The following POLD3 variants were observed in gnomAD, a reference collection of about 807,000 sequenced individuals.
POLD3 encodes the protein DNA polymerase delta subunit 3.
A neutral mutation model predicts 58.2 loss-of-function variants in POLD3; 19 were observed. That is an observed-to-expected ratio of 0.33 (90% CI 0.23 to 0.48). The LOEUF (loss-of-function observed/expected upper bound fraction) is 0.48, where lower values mean the gene tolerates loss of function less well. Among genes scored for constraint, POLD3 ranks in the 20% least tolerant of loss-of-function variants. The pLI is 0.99. For synonymous variants in POLD3, 172 were observed against 193.5 expected, an observed-to-expected ratio of 0.89 and a Z score of 0.92; for missense variants, 504 against 545.5, an observed-to-expected ratio of 0.92 and a Z score of 0.76.
At chr11:74,664,642 A>AC (rs2033244441) in intron 4 of POLD3, among the ~76,000 whole-genome samples, 1 of 152,148 alleles carries the variant, frequency 6.6e-6, no homozygotes, top group Admixed American at 6.5e-5. Flanking sequence ...ATCCTCAAAA[A>AC]AAAATTACGA....
intron 1 of POLD3, among the ~76,000 whole-genome samples, chr11:74,593,607 G>A (rs1323267759): frequency 6.6e-6 from 1 of 151,900 alleles, no homozygotes; most frequent in East Asian, 1.9e-4. Context: ...CACTTTTTTC[G>A]TTTCCTGACC....
intron 4 of POLD3, among the ~76,000 whole-genome samples, chr11:74,661,394 T>C (rs1210965540): frequency 6.6e-6 from 1 of 152,226 alleles, no homozygotes; most frequent in Non-Finnish European, 1.5e-5. Flanking sequence ...AATGTTGTAA[T>C]CTGAGCTGTA....
Position 74,642,867 on chromosome 11 carries a change from G to C in POLD3, c.*2101G>C. 1.0e-6 allele frequency: 1 copy of C among 985,132 alleles called. No individual in the cohort carries two copies. The highest frequency in any genetic ancestry group is 1.2e-6 in the Non-Finnish European group (1 of 829,682). 61.0% of individuals were successfully genotyped at this position (985,132 alleles called of 1,614,324 possible). On this transcript the variant is annotated 3_prime_UTR_variant, in exon 12 of 12. Transcript: ENST00000263681. ...CATACCCACAGTCTGAGATGAACAAGTTATTTGCTGCCTTCATCGTTTTTT... is the reference window on the plus strand; with the variant it reads ...CATACCCACAGTCTGAGATGAACAACTTATTTGCTGCCTTCATCGTTTTTT...
At position 74,613,086 on chromosome 11, in the gene POLD3, A is replaced by G. The variant is rs187252087; in HGVS notation, c.392+76A>G. 534 of 1,317,538 alleles carry G rather than the reference A, an allele frequency of 4.1e-4. 2 individuals are homozygous for G. In the African/African-American group the frequency reaches 7.3e-3, roughly 18 times the overall value. 81.6% of individuals were successfully genotyped at this position (1,317,538 alleles called of 1,614,324 possible). On this transcript the variant is annotated intron_variant, in intron 5 of 11. Coordinates refer to ENST00000263681, the MANE Select transcript of POLD3 (RefSeq NM_006591.3). ...GATGTTTACACAGTGGCTGCCTCTT[A>G]AGAGTGAATGCCAAGTCTAGTAAAA...
intron 11 of POLD3, chr11:74,638,660 C>G: frequency 2.2e-6 from 1 of 455,798 alleles, no homozygotes; most frequent in Non-Finnish European, 4.4e-6. Context: ...GTTCTGGGGT[C>G]TAATTGCTGA....
At chr11:74,647,505 AG>A (rs2135190940), downstream of POLD3, among the ~76,000 whole-genome samples, 1 of 152,324 alleles carries the variant, frequency 6.6e-6, no homozygotes, top group East Asian at 1.9e-4. Flanking sequence ...GCTAGAACCT[AG>A]GTCTTGAGAC....
chr11:74,629,586 CT>C (rs59268270), intron 9 of POLD3, among the ~76,000 whole-genome samples: 194 of 144,048 alleles, frequency 1.3e-3, no homozygotes, highest in Middle Eastern at 3.4e-3. Context: ...CTTTTCTTTT[CT>C]TTTTTTTTTT....
Position 74,642,004 on chromosome 11 carries a change from G to A in POLD3, c.*1238G>A. 1 of 985,474 alleles carries A rather than the reference G, an allele frequency of 1.0e-6. No homozygotes were observed. Among genetic ancestry groups the A allele is most frequent in the Non-Finnish European group, 1.2e-6 (1 of 829,946 alleles). 61.0% of individuals were successfully genotyped at this position (985,474 alleles called of 1,614,324 possible). On this transcript the variant is annotated 3_prime_UTR_variant, in exon 12 of 12. Transcript: ENST00000263681. Reference sequence around the variant, plus strand: ...CAGTGGATTGCAGTGGTGTGCTGGTGATTTTGCACAGTGAGCTCTGCGGAA... The same window carrying A: ...CAGTGGATTGCAGTGGTGTGCTGGTAATTTTGCACAGTGAGCTCTGCGGAA...
chr11:74,613,822 A>G (rs537011571), intron 5 of POLD3, among the ~76,000 whole-genome samples: 4 of 152,214 alleles, frequency 2.6e-5, no homozygotes, highest in Non-Finnish European at 1.5e-5. Context: ...CAGTTATGGT[A>G]CAGTGTAAGA....
At chr11:74,638,819 A>G (rs2032830319) in intron 11 of POLD3, 7 of 398,262 alleles carry the variant, frequency 1.8e-5, no homozygotes, top group Middle Eastern at 3.6e-4. Flanking sequence ...CATTCCTAAT[A>G]AGCTCATGGG....
chr11:74,599,367 A>G (rs545816436), intron 2 of POLD3, among the ~76,000 whole-genome samples: 59 of 71,582 alleles, frequency 8.2e-4, no homozygotes, highest in South Asian at 3.5e-3. Context: ...TCTCTCAAGT[A>G]ATTTTTTTTT....
intron 4 of POLD3, chr11:74,668,737 G>T: frequency 7.9e-7 from 1 of 1,270,480 alleles, no homozygotes; most frequent in Non-Finnish European, 1.0e-6. Flanking sequence ...GAAAAGGGAA[G>T]ATATATAGAG....
At chr11:74,595,887 G>T (rs530773938) in intron 2 of POLD3, among the ~76,000 whole-genome samples, 83 of 151,958 alleles carry the variant, frequency 5.5e-4, no homozygotes, top group African/African-American at 1.9e-3. Flanking sequence ...GCCTCCCAAA[G>T]TGCTGGGATT....
chr11:74,629,271 G>A lies in POLD3; in HGVS notation c.954G>A (p.Arg318=). 4 of 1,608,842 alleles carry A rather than the reference G, an allele frequency of 2.5e-6. No homozygotes were observed. The highest frequency in any genetic ancestry group is 2.5e-6 in the Non-Finnish European group (3 of 1,177,088). Residue 318 remains arginine, a synonymous_variant, in exon 9 of 12, where the codon AGG becomes AGA. Coordinates refer to ENST00000263681, the MANE Select transcript of POLD3 (RefSeq NM_006591.3). ...DDETKETENM[R]KKRRRIKLPE... is the part of the protein sequence containing the mutation. ...AGACAAAGGAAACTGAAAACATGAG[G>A]AAAAAGAGGAGAAGAATCAAACTTC... is the stretch of plus-strand genomic sequence containing the variant.
chr11:74,667,514 AGT>A (rs2033286171), intron 4 of POLD3, among the ~76,000 whole-genome samples: 1 of 152,234 alleles, frequency 6.6e-6, no homozygotes, highest in Non-Finnish European at 1.5e-5. Flanking sequence ...TGGGCGACAG[AGT>A]GAGACTCCGT....
intron 4 of POLD3, among the ~76,000 whole-genome samples, chr11:74,668,190 A>T (rs985175596): frequency 2.0e-5 from 3 of 152,244 alleles, no homozygotes; most frequent in Non-Finnish European, 4.4e-5. Flanking sequence ...TGTTAAATAG[A>T]GTTACCCTAT....
At chr11:74,623,881 T>G (rs1429684947) in intron 7 of POLD3, among the ~76,000 whole-genome samples, 1 of 152,216 alleles carries the variant, frequency 6.6e-6, no homozygotes, top group Non-Finnish European at 1.5e-5. Context: ...TGGCTATTGG[T>G]AGCTGCATAT....
At position 74,641,503 on chromosome 11, in the gene POLD3, C is replaced by G. The variant is rs971333565; in HGVS notation, c.*737C>G. 3 of 985,274 alleles carry G rather than the reference C, an allele frequency of 3.0e-6. No individual in the cohort carries two copies. The highest frequency in any genetic ancestry group is 3.5e-5 in the African/African-American group (2 of 57,216). The allele number at this position is 985,274 out of a possible 1,614,324, so 61.0% of individuals were successfully genotyped here. A position where few individuals can be genotyped will look rare whatever the true frequency, so the allele number is the denominator to read the frequency against. On this transcript the variant is annotated 3_prime_UTR_variant, in exon 12 of 12. Coordinates refer to ENST00000263681, the MANE Select transcript of POLD3 (RefSeq NM_006591.3). Reference sequence around the variant, plus strand: ...TGTTCAACTCCACCAGAAATTACCTCGAGTCAGCATTGACGATATTGGAGG... The same window carrying G: ...TGTTCAACTCCACCAGAAATTACCTGGAGTCAGCATTGACGATATTGGAGG...
At chr11:74,668,806 G>A (rs1210368884) in exon 5 of POLD3, 1 of 1,287,628 alleles carries the variant, frequency 7.8e-7, no homozygotes, top group Non-Finnish European at 1.0e-6. Flanking sequence ...CCACTCACTA[G>A]ACATTTTGGA....
Sources: gnomAD v4.1 joint callset for allele counts (sites outside exome capture counted in the v4.1 genomes callset) on GRCh38, gnomAD v4.1.1 for gene constraint, MANE v1.5 for transcripts, NCBI Gene and HGNC (gene_info 2026-07-23, HGNC 2026-07-21) for gene names.